Variants in RBFOX1 observed in about 807,000 individuals in gnomAD.
RBFOX1 encodes the protein RNA binding fox-1 homolog 1, also known as RNA binding protein fox-1 homolog 1.
RBFOX1 carries 8 observed loss-of-function variants against 57.7 expected under a neutral mutation model. The ratio of observed to expected loss-of-function variants is 0.14; its 90% CI spans 0.08 to 0.25. The LOEUF (loss-of-function observed/expected upper bound fraction) is 0.25. RBFOX1 is among the 10% of genes least tolerant of loss of function. The pLI, the probability that RBFOX1 is intolerant of heterozygous loss-of-function variation, is 1.00. For synonymous variants in RBFOX1, 326 were observed against 222.4 expected, an observed-to-expected ratio of 1.47 and a Z score of -4.15; for missense variants, 611 against 548.5, an observed-to-expected ratio of 1.11 and a Z score of -1.14.
At chr16:5,418,758 C>G (rs56292020) in intron 1 of RBFOX1, among the ~76,000 whole-genome samples, 1 of 152,186 alleles carries the variant, frequency 6.6e-6, no homozygotes, top group Non-Finnish European at 1.5e-5. Context: ...CCCTCCCTCT[C>G]TCCTTTCCTT....
chr16:5,794,725 A>G (rs1357118212), intron 3 of RBFOX1, among the ~76,000 whole-genome samples: 1 of 152,200 alleles, frequency 6.6e-6, no homozygotes, highest in Non-Finnish European at 1.5e-5. Flanking sequence ...TTACAAATAA[A>G]GCTGAGGTTC....
At chr16:6,793,688 G>A (rs574005597) in intron 3 of RBFOX1, among the ~76,000 whole-genome samples, 1 of 152,156 alleles carries the variant, frequency 6.6e-6, no homozygotes, top group Non-Finnish European at 1.5e-5. Context: ...AATGAAAACA[G>A]TGCATTGGCC....
At chr16:6,342,050 GC>G (rs1425229701) in intron 2 of RBFOX1, among the ~76,000 whole-genome samples, 5 of 152,172 alleles carry the variant, frequency 3.3e-5, no homozygotes, top group South Asian at 2.1e-4. Context: ...CTGTTGGGGG[GC>G]CTATTATTCT....
chr16:7,472,393 C>T (rs553193847), intron 4 of RBFOX1, among the ~76,000 whole-genome samples: 8 of 152,152 alleles, frequency 5.3e-5, no homozygotes, highest in African/African-American at 1.4e-4. Context: ...CAGTGTCACA[C>T]ACGAGTCTTT....
intron 1 of RBFOX1, among the ~76,000 whole-genome samples, chr16:6,228,296 C>G (rs1194019253): frequency 1.3e-5 from 2 of 152,042 alleles, no homozygotes; most frequent in Non-Finnish European, 2.9e-5. Flanking sequence ...GCCCTCCAGC[C>G]TGGGTGGCAG....
Position 6,594,564 on chromosome 16 carries a change from A to G in RBFOX1, c.-63-60039A>G, listed in dbSNP as rs562056958. 2.0e-5 allele frequency among the ~76,000 whole-genome samples: 3 copies of G among 152,244 alleles called. No homozygotes were observed. In the East Asian group the frequency reaches 5.8e-4, roughly 29 times the overall value. On this transcript the variant is annotated intron_variant, in intron 2 of 15. Transcript: ENST00000550418. The stretch of plus-strand genomic sequence containing the variant: ...GAAAAGTCAAGAATCTAGGTTTTTA[A>G]TGTAAAAGCTCCTGTTTTTCAATTA...
At chr16:6,093,334 A>G (rs972516158) in intron 1 of RBFOX1, among the ~76,000 whole-genome samples, 3 of 151,974 alleles carry the variant, frequency 2.0e-5, no homozygotes, top group African/African-American at 4.8e-5. Flanking sequence ...ATCTACTTGG[A>G]AGGTTGAGGT....
chr16:6,213,498 C>T (rs959687152), intron 1 of RBFOX1, among the ~76,000 whole-genome samples: 6 of 152,172 alleles, frequency 3.9e-5, no homozygotes, highest in Non-Finnish European at 1.5e-5. Context: ...CTCTGGCTGC[C>T]TTGACACTCT....
At chr16:5,911,393 C>T (rs1350015088) in intron 4 of RBFOX1, among the ~76,000 whole-genome samples, 2 of 152,180 alleles carry the variant, frequency 1.3e-5, no homozygotes, top group African/African-American at 2.4e-5. Flanking sequence ...TCTTCAGAGA[C>T]CTCTTGCTGT....
intron 3 of RBFOX1, among the ~76,000 whole-genome samples, chr16:5,841,833 G>C (rs2056633844): frequency 6.6e-6 from 1 of 152,196 alleles, no homozygotes; most frequent in African/African-American, 2.4e-5. Flanking sequence ...AAAAGAATCA[G>C]AAATAGATGT....
At chr16:7,055,888 A>T (rs781551962) in intron 4 of RBFOX1, among the ~76,000 whole-genome samples, 2 of 152,048 alleles carry the variant, frequency 1.3e-5, no homozygotes, top group African/African-American at 2.4e-5. Flanking sequence ...CTTTCATCCT[A>T]CATGTGTGGG....
rs397836603 is a variant in RBFOX1 at position 7,120,830 on chromosome 16, TACACACAC to T, written c.27+68754_27+68761del. 7.4e-4 allele frequency among the ~76,000 whole-genome samples: 64 copies of T among 86,590 alleles called. 1 individual carries two copies. The highest frequency in any genetic ancestry group is 5.6e-3 in the East Asian group (21 of 3,724). 56.8% of individuals were successfully genotyped at this position (86,590 alleles called of 152,430 possible). On this transcript the variant is annotated intron_variant, in intron 4 of 15. Transcript: ENST00000550418. ...ATGTAATATTTTATATATGTATATA[TACACACAC>T]ACACACACACACACACACACATACG...
chr16:5,594,083 C>T (rs1397541240), intron 2 of RBFOX1, among the ~76,000 whole-genome samples: 1 of 152,082 alleles, frequency 6.6e-6, no homozygotes, highest in African/African-American at 2.4e-5. Flanking sequence ...GTAGGTTTTA[C>T]TGGCGCCATC....
At chr16:5,399,745 AAT>A (rs1491473548) in intron 1 of RBFOX1, among the ~76,000 whole-genome samples, 3 of 136,586 alleles carry the variant, frequency 2.2e-5, no homozygotes, top group Admixed American at 7.1e-5. Flanking sequence ...AAAAAAAAAA[AAT>A]TTTTTTTTTT....
At chr16:5,743,099 T>C (rs1184943876) in intron 3 of RBFOX1, among the ~76,000 whole-genome samples, 1 of 152,146 alleles carries the variant, frequency 6.6e-6, no homozygotes, top group Non-Finnish European at 1.5e-5. Flanking sequence ...ATTCTCACAA[T>C]CACACTAACG....
intron 2 of RBFOX1, among the ~76,000 whole-genome samples, chr16:6,423,469 C>A (rs1673406387): frequency 6.6e-6 from 1 of 152,116 alleles, no homozygotes; most frequent in South Asian, 2.1e-4. Flanking sequence ...TTTGATGGTG[C>A]ATGTCTGTAA....
intron 3 of RBFOX1, among the ~76,000 whole-genome samples, chr16:7,035,225 A>G (rs1173371501): frequency 6.6e-6 from 1 of 151,740 alleles, no homozygotes; most frequent in East Asian, 2.0e-4. Context: ...GAGTGTTAAG[A>G]TCCTGCAGGA....
At chr16:6,095,183 T>C (rs1460046511) in intron 1 of RBFOX1, among the ~76,000 whole-genome samples, 1 of 152,198 alleles carries the variant, frequency 6.6e-6, no homozygotes, top group East Asian at 1.9e-4. Flanking sequence ...TAACAGAAAT[T>C]GGTGTTAATA....
intron 4 of RBFOX1, among the ~76,000 whole-genome samples, chr16:7,133,073 T>C (rs917995196): frequency 6.6e-6 from 1 of 152,064 alleles, no homozygotes; most frequent in Non-Finnish European, 1.5e-5. Context: ...GAAGTGACCT[T>C]ATTATGGCAA....
Sources: gnomAD v4.1 joint callset for allele counts (sites outside exome capture counted in the v4.1 genomes callset) on GRCh38, gnomAD v4.1.1 for gene constraint, MANE v1.5 for transcripts, NCBI Gene and HGNC (gene_info 2026-07-23, HGNC 2026-07-21) for gene names.